The following KCNIP4 variants were observed in gnomAD, a reference collection of about 807,000 sequenced individuals.
The protein encoded by KCNIP4 is Kv channel-interacting protein 4.
Under a neutral mutation model 34.0 loss-of-function variants are expected in KCNIP4, and 12 were observed. The observed-to-expected ratio is 0.35, with a 90% CI of 0.23 to 0.57. KCNIP4 has a LOEUF of 0.57. KCNIP4 is among the 20% of genes least tolerant of loss of function. The probability of loss-of-function intolerance (pLI) is 0.83; values close to 1 mark genes in which losing one functional copy is unlikely to be tolerated. For missense variants in KCNIP4, 238 were observed against 311.7 expected (o/e 0.76, Z 1.78); for synonymous variants, 124 against 102.2 (o/e 1.21, Z -1.29).
intron 3 of KCNIP4, among the ~76,000 whole-genome samples, chr4:20,787,549 A>G (rs1712171737): frequency 6.6e-6 from 1 of 152,088 alleles, no homozygotes; most frequent in Non-Finnish European, 1.5e-5. Flanking sequence ...ATGAATGTAA[A>G]TAAGTCTGTA....
intron 1 of KCNIP4, among the ~76,000 whole-genome samples, chr4:21,279,616 T>C (rs1762656207): frequency 6.6e-6 from 1 of 151,390 alleles, no homozygotes; most frequent in Non-Finnish European, 1.5e-5. Context: ...TTAATATCAA[T>C]TAAATTATTC....
intron 1 of KCNIP4, among the ~76,000 whole-genome samples, chr4:21,667,119 C>T (rs1350718632): frequency 6.6e-6 from 1 of 152,174 alleles, no homozygotes; most frequent in Non-Finnish European, 1.5e-5. Context: ...AGAGACGAAG[C>T]CAACTTCAGC....
At chr4:21,130,533 A>G (rs887138597) in intron 1 of KCNIP4, among the ~76,000 whole-genome samples, 1 of 152,182 alleles carries the variant, frequency 6.6e-6, no homozygotes, top group African/African-American at 2.4e-5. Context: ...CACTAAACTA[A>G]ATTCCTTGAA....
At chr4:20,756,522 T>A (rs986269157) in intron 4 of KCNIP4, among the ~76,000 whole-genome samples, 2 of 152,190 alleles carry the variant, frequency 1.3e-5, no homozygotes, top group African/African-American at 2.4e-5. Context: ...TACCCAGCAC[T>A]ATGATCAGTT....
chr4:21,320,289 C>A (rs1714230736), intron 1 of KCNIP4, among the ~76,000 whole-genome samples: 1 of 152,164 alleles, frequency 6.6e-6, no homozygotes, highest in Non-Finnish European at 1.5e-5. Flanking sequence ...AGGAAATAAT[C>A]TCTGTGATTG....
intron 1 of KCNIP4, among the ~76,000 whole-genome samples, chr4:21,030,890 C>T (rs1460744541): frequency 6.6e-6 from 1 of 152,098 alleles, no homozygotes; most frequent in Non-Finnish European, 1.5e-5. Flanking sequence ...GATGTCCTGA[C>T]CATGTCCCCT....
At chr4:21,614,969 T>C (rs1577695939) in intron 1 of KCNIP4, among the ~76,000 whole-genome samples, 1 of 152,164 alleles carries the variant, frequency 6.6e-6, no homozygotes, top group African/African-American at 2.4e-5. Flanking sequence ...TGCTCTGAAG[T>C]AGAGCACACC....
chr4:21,310,927 C>T lies in KCNIP4; in HGVS notation c.62-428218G>A, dbSNP rs559974917. On this transcript the variant is annotated intron_variant, in intron 1 of 8. Transcript: ENST00000382152. The stretch of plus-strand genomic sequence containing the variant: ...ACAGGAGTGAGCCACTATGCCTGGT[C>T]TGAGAAATGCATTTCAATAATAATG... 8.5e-5 allele frequency among the ~76,000 whole-genome samples: 13 copies of T among 152,254 alleles called. No homozygotes were observed. In the East Asian group the frequency reaches 2.5e-3, roughly 29 times the overall value.
intron 3 of KCNIP4, among the ~76,000 whole-genome samples, chr4:20,844,974 G>A (rs971671098): frequency 1.3e-5 from 2 of 152,150 alleles, no homozygotes; most frequent in African/African-American, 4.8e-5. Flanking sequence ...CATGGAGGGT[G>A]GGGATTAACT....
chr4:21,687,434 T>C (rs1206798547), intron 1 of KCNIP4, among the ~76,000 whole-genome samples: 1 of 152,124 alleles, frequency 6.6e-6, no homozygotes, highest in Non-Finnish European at 1.5e-5. Flanking sequence ...ACTGGTGTTG[T>C]TCAATTTTGT....
Position 21,068,279 on chromosome 4 carries a change from C to A in KCNIP4, c.62-185570G>T, listed in dbSNP as rs1394751586. Among the ~76,000 whole-genome samples the A allele has an allele frequency of 2.6e-5, 4 of 152,174 alleles. No homozygotes were observed. In the East Asian group the frequency reaches 5.8e-4, roughly 22 times the overall value. On this transcript the variant is annotated intron_variant, in intron 1 of 8. Transcript: ENST00000382152. ...TCTCAACAGGCTCTGACGTGGTCGT[C>A]CTGCTTCCCCCATGAATCCTGAGTG...
Position 20,730,023 on chromosome 4 carries a change from C to CTT in KCNIP4, c.*57_*58dup, listed in dbSNP as rs1463485614. Reference sequence around the variant, plus strand: ...TCTATGCTAAAAGTGGTAGCTCCAACTTTAAGGGTGGTAGAATAGTTCACA... The same window carrying CTT: ...TCTATGCTAAAAGTGGTAGCTCCAACTTTTTAAGGGTGGTAGAATAGTTCACA... On this transcript the variant is annotated 3_prime_UTR_variant, in exon 9 of 9. Coordinates refer to ENST00000382152, the MANE Select transcript of KCNIP4 (RefSeq NM_025221.6). 1 of 1,552,262 alleles carries CTT rather than the reference C, an allele frequency of 6.4e-7. No homozygotes were observed. The highest frequency in any genetic ancestry group is 2.0e-5 in the Admixed American group (1 of 49,756).
At chr4:21,720,007 AAGAAGAAGAAGGAGAAGGAGAAGG>A (rs1560662506) in intron 1 of KCNIP4, among the ~76,000 whole-genome samples, 216 of 128,466 alleles carry the variant, frequency 1.7e-3, no homozygotes, top group African/African-American at 6.8e-3. Flanking sequence ...AAAGAAAAAG[AAGAAGAAGAAGGAGAAGGAGAAGG>A]AGAAGGAGAA....
At chr4:21,565,403 G>A (rs1174054136) in intron 1 of KCNIP4, among the ~76,000 whole-genome samples, 1 of 152,110 alleles carries the variant, frequency 6.6e-6, no homozygotes, top group Non-Finnish European at 1.5e-5. Flanking sequence ...AGCCCCACCT[G>A]TAAAAATGAT....
chr4:21,837,187 GA>G (rs142610860), intron 1 of KCNIP4, among the ~76,000 whole-genome samples: 150,242 of 150,252 alleles, frequency 1, 75,116 homozygotes, highest in Middle Eastern at 1. Context: ...AAAGTGCTGG[GA>G]ATTACAGGCG....
chr4:20,873,309 T>C (rs991173403), intron 2 of KCNIP4, among the ~76,000 whole-genome samples: 5 of 152,196 alleles, frequency 3.3e-5, no homozygotes, highest in African/African-American at 1.2e-4. Context: ...GAGGTTGTAA[T>C]TGTACCTTCC....
At chr4:20,959,836 G>T (rs111930027) in intron 1 of KCNIP4, among the ~76,000 whole-genome samples, 1 of 152,012 alleles carries the variant, frequency 6.6e-6, no homozygotes, top group African/African-American at 2.4e-5. Context: ...TGTAACCTTG[G>T]GTGCAATCCT....
At chr4:21,268,738 C>T (rs566918548) in intron 1 of KCNIP4, among the ~76,000 whole-genome samples, 1 of 152,306 alleles carries the variant, frequency 6.6e-6, no homozygotes, top group Non-Finnish European at 1.5e-5. Flanking sequence ...TTTTAAAACC[C>T]ATGTGCTAAG....
chr4:20,935,845 A>G (rs1731005536), intron 1 of KCNIP4, among the ~76,000 whole-genome samples: 1 of 152,120 alleles, frequency 6.6e-6, no homozygotes, highest in South Asian at 2.1e-4. Context: ...CAAACCAGCT[A>G]TACTCAACCA....
Sources: allele counts gnomAD v4.1 joint callset (sites outside exome capture counted in the v4.1 genomes callset), GRCh38; gene constraint gnomAD v4.1.1; transcripts MANE v1.5; gene names NCBI Gene and HGNC (gene_info 2026-07-23, HGNC 2026-07-21).